Variants in ADGRG7 observed in about 807,000 individuals in gnomAD.
ADGRG7 encodes G-protein coupled receptor 128.
A neutral mutation model predicts 88.6 loss-of-function variants in ADGRG7; 82 were observed. The ratio of observed to expected loss-of-function variants is 0.93; its 90% CI spans 0.77 to 1.11. ADGRG7 has a LOEUF of 1.11. Among genes scored for constraint, ADGRG7 ranks in the 50% most tolerant of loss-of-function variants. The pLI is 0.00. For synonymous variants in ADGRG7, 381 were observed against 345.2 expected (o/e 1.10, Z -1.15); for missense variants, 945 against 953.4 (o/e 0.99, Z 0.12).
Position 100,609,720 on chromosome 3 carries a change from G to T in ADGRG7, c.-137G>T. On this transcript the variant is annotated 5_prime_UTR_variant, in exon 1 of 16. Coordinates refer to ENST00000273352, the MANE Select transcript of ADGRG7 (RefSeq NM_032787.3). ...AGCCTCAAAAGTCCTAAAATACAAA[G>T]ACATCCATCTGACAGATCACTGAGG... 1.7e-6 allele frequency: 1 copy of T among 604,788 alleles called. No homozygotes were observed. Among genetic ancestry groups the T allele is most frequent in the Non-Finnish European group, 3.0e-6 (1 of 333,714 alleles). 37.5% of individuals were successfully genotyped at this position (604,788 alleles called of 1,614,324 possible).
Position 100,635,837 on chromosome 3 carries a change from C to A in ADGRG7, c.597+11C>A, listed in dbSNP as rs774095972. On this transcript the variant is annotated intron_variant, in intron 5 of 15. Coordinates refer to ENST00000273352, the MANE Select transcript of ADGRG7 (RefSeq NM_032787.3). ...AATGCTTCACCTGAGGTAAAACTCACAGAGCTTTAAAAAAAATTTTTTTTT... is the reference window on the plus strand; with the variant it reads ...AATGCTTCACCTGAGGTAAAACTCAAAGAGCTTTAAAAAAAATTTTTTTTT... 1 of 1,593,330 alleles carries A rather than the reference C, an allele frequency of 6.3e-7. No homozygotes were observed. Among genetic ancestry groups the A allele is most frequent in the South Asian group, 1.2e-5 (1 of 86,188 alleles).
rs186047723 is a variant in ADGRG7 at position 100,688,971 on chromosome 3, G to A, written c.2137-5773G>A. Among the ~76,000 whole-genome samples the A allele has an allele frequency of 2.5e-3, 376 of 152,316 alleles. 3 individuals are homozygous for A. Among genetic ancestry groups the A allele is most frequent in the African/African-American group, 8.6e-3 (357 of 41,572 alleles). On this transcript the variant is annotated intron_variant, in intron 15 of 15. Coordinates refer to ENST00000273352, the MANE Select transcript of ADGRG7 (RefSeq NM_032787.3). The stretch of plus-strand genomic sequence containing the variant: ...CTTGTTGATCCATCTAATGTTGACA[G>A]TGGGGTGTTAAAATCTCCCGTTATT...
chr3:100,636,645 GA>G (rs11452728), intron 5 of ADGRG7, among the ~76,000 whole-genome samples: 64 of 150,362 alleles, frequency 4.3e-4, no homozygotes, highest in Admixed American at 9.3e-4. Flanking sequence ...TTTTGTTTCA[GA>G]AAAAAAAAAT....
chr3:100,630,559 T>C (rs960752880), intron 2 of ADGRG7, 146 bp from the exon 3 acceptor site: 14 of 381,608 alleles, frequency 3.7e-5, no homozygotes, highest in Middle Eastern at 6.6e-4. Flanking sequence ...TAGCAAAGTA[T>C]AGAAGTTCCT....
intron 1 of ADGRG7, among the ~76,000 whole-genome samples, chr3:100,622,040 T>C (rs1460190176): frequency 6.6e-6 from 1 of 152,204 alleles, no homozygotes; most frequent in Non-Finnish European, 1.5e-5. Flanking sequence ...TGTGCTCTTA[T>C]GATAATCTAA....
At chr3:100,682,423 C>T (rs2094974784) in intron 15 of ADGRG7, among the ~76,000 whole-genome samples, 1 of 152,206 alleles carries the variant, frequency 6.6e-6, no homozygotes, top group African/African-American at 2.4e-5. Flanking sequence ...GCAACGTGGC[C>T]ACCGCGCCCA....
At chr3:100,612,185 T>C (rs1707164076) in intron 1 of ADGRG7, among the ~76,000 whole-genome samples, 1 of 152,182 alleles carries the variant, frequency 6.6e-6, no homozygotes, top group African/African-American at 2.4e-5. Context: ...CTTTTATTTT[T>C]CTTGGAAAAG....
intron 6 of ADGRG7, among the ~76,000 whole-genome samples, chr3:100,639,831 T>A (rs935447056): frequency 2.0e-5 from 3 of 152,246 alleles, no homozygotes; most frequent in Non-Finnish European, 4.4e-5. Context: ...AAAATACAAT[T>A]TTGTGTGATT....
chr3:100,634,324 C>T (rs1707501546), intron 4 of ADGRG7, among the ~76,000 whole-genome samples: 2 of 152,154 alleles, frequency 1.3e-5, no homozygotes, highest in African/African-American at 4.8e-5. Flanking sequence ...ATGTTATTCC[C>T]ATATTATAAA....
chr3:100,687,196 A>G (rs1286314111), intron 15 of ADGRG7, among the ~76,000 whole-genome samples: 3 of 152,174 alleles, frequency 2.0e-5, no homozygotes, highest in Non-Finnish European at 2.9e-5. Flanking sequence ...ATGGTGTATA[A>G]GAATGCTTGT....
chr3:100,687,817 G>A (rs569119436), intron 15 of ADGRG7, among the ~76,000 whole-genome samples: 2 of 152,238 alleles, frequency 1.3e-5, no homozygotes, highest in East Asian at 3.9e-4. Context: ...ATGTTCATCA[G>A]GGATATTGGT....
Position 100,646,076 on chromosome 3 carries a change from A to G in ADGRG7, c.1078A>G (p.Ser360Gly), listed in dbSNP as rs762485815. 6.2e-7 allele frequency: 1 copy of G among 1,614,016 alleles called. No individual in the cohort carries two copies. The highest frequency in any genetic ancestry group is 8.5e-7 in the Non-Finnish European group (1 of 1,179,970). Reference sequence around the variant, plus strand: ...AACTGATGAAAATGAGCAAGATCAGAGTGCTTCTGTTGACATGGTCTTTAG... The same window carrying G: ...AACTGATGAAAATGAGCAAGATCAGGGTGCTTCTGTTGACATGGTCTTTAG... ...SKTDENEQDQ[S>G]ASVDMVFSPK... The change falls in exon 9 of 16, where the codon AGT (serine) becomes GGT (glycine). Residue 360 changes from serine to glycine, a missense_variant. Physicochemically the swap from Ser to Gly is moderately conservative, Grantham distance 56 (BLOSUM62 0). Coordinates refer to ENST00000273352, the MANE Select transcript of ADGRG7 (RefSeq NM_032787.3).
intron 14 of ADGRG7, among the ~76,000 whole-genome samples, chr3:100,663,846 C>A (rs1348523604): frequency 6.6e-6 from 1 of 151,898 alleles, no homozygotes; most frequent in African/African-American, 2.4e-5. Context: ...ATAACAGAAT[C>A]CTTGCTTTAT....
rs553709340 is a variant in ADGRG7, at chr3:100,642,371, A to G, written c.699-895A>G. Among the ~76,000 whole-genome samples, 12 of 152,352 alleles carry G rather than the reference A, an allele frequency of 7.9e-5. No individual in the cohort carries two copies. The South Asian group carries it at 2.1e-3, about 26-fold the overall frequency. On this transcript the variant is annotated intron_variant, in intron 6 of 15. Transcript: ENST00000273352. ...GAGGATCTAACCTGAATGTTTCCAT[A>G]CGAATGATGATTATGTTCTCTTTAT...
In ADGRG7 at chr3:100,630,773, C is replaced by T. The variant is rs761829747; in HGVS notation, c.298C>T (p.Pro100Ser). 7 of 1,483,754 alleles carry T rather than the reference C, an allele frequency of 4.7e-6. No individual in the cohort carries two copies. In the African/African-American group the frequency reaches 7.3e-5, roughly 15 times the overall value. 91.9% of individuals were successfully genotyped at this position (1,483,754 alleles called of 1,614,324 possible). A position where few individuals can be genotyped will look rare whatever the true frequency, so the allele number is the denominator to read the frequency against. Residue 100 changes from proline to serine, a missense_variant, in exon 3 of 16, where the codon CCA becomes TCA. Physicochemically the swap from Pro to Ser is moderately conservative, Grantham distance 74. Coordinates refer to ENST00000273352, the MANE Select transcript of ADGRG7 (RefSeq NM_032787.3). ...CAGAATCCCAGTGGGCAGATATGGA[C>T]CATCCTTGCAAACATGTGGCAAGGA... is the stretch of plus-strand genomic sequence containing the variant. ...FARIPVGRYG[P>S]SLQTCGKDTP...
intron 15 of ADGRG7, among the ~76,000 whole-genome samples, chr3:100,672,545 A>C (rs906341363): frequency 6.6e-6 from 1 of 151,988 alleles, no homozygotes; most frequent in Non-Finnish European, 1.5e-5. Context: ...GATACCCTTT[A>C]TTTCTTTCTC....
intron 6 of ADGRG7, among the ~76,000 whole-genome samples, chr3:100,639,027 TG>T (rs1707593806): frequency 5.7e-5 from 2 of 35,214 alleles, no homozygotes; most frequent in Admixed American, 3.5e-4. Context: ...TGTGTGTGTG[TG>T]TGTGTGTGTG....
At chr3:100,657,493 T>C (rs1386770708) in intron 13 of ADGRG7, among the ~76,000 whole-genome samples, 2 of 152,200 alleles carry the variant, frequency 1.3e-5, no homozygotes, top group Non-Finnish European at 2.9e-5. Flanking sequence ...TTTAATGCTC[T>C]ACCCCCAGTT....
At chr3:100,670,345 TC>T in intron 15 of ADGRG7, among the ~76,000 whole-genome samples, 1 of 152,332 alleles carries the variant, frequency 6.6e-6, no homozygotes, top group South Asian at 2.1e-4. Flanking sequence ...AGGATCTCAT[TC>T]TTTTTAATGG....
Sources: allele counts gnomAD v4.1 joint callset (sites outside exome capture counted in the v4.1 genomes callset), GRCh38; gene constraint gnomAD v4.1.1; transcripts MANE v1.5; gene names NCBI Gene and HGNC (gene_info 2026-07-23, HGNC 2026-07-21).